Variants in SMYD5 observed in about 807,000 individuals in gnomAD.
The protein encoded by SMYD5 is SMYD family member 5, also known as protein-lysine N-trimethyltransferase SMYD5.
In SMYD5, 35 loss-of-function variants were observed where a neutral mutation model predicts 57.4. That is an observed-to-expected ratio of 0.61 (90% CI 0.47 to 0.81). The LOEUF is 0.81. SMYD5 is among the 30% of genes least tolerant of loss of function. SMYD5 has a pLI of 0.00. For missense variants in SMYD5, 471 were observed against 527.9 expected (o/e 0.89, Z 1.06); for synonymous variants, 198 against 189.7 (o/e 1.04, Z -0.36).
In SMYD5 at chr2:73,221,935, T is replaced by C. The variant is rs750957093; in HGVS notation, c.642+5T>C. 11 of 1,572,456 alleles carry C rather than the reference T, an allele frequency of 7.0e-6. No homozygotes were observed. The Admixed American group carries it at 1.2e-4, about 17-fold the overall frequency. ...CTTCTGGGAGACAAATTCAAGGTTA[T>C]TATTCTCCCGTGGCCTGTCTCCTTC... On this transcript the variant is annotated splice_donor_5th_base_variant and intron_variant, in intron 6 of 12. Coordinates refer to ENST00000389501, the MANE Select transcript of SMYD5 (RefSeq NM_006062.3).
At chr2:73,224,094 C>T in intron 10 of SMYD5, 91 bp downstream of exon 10, 1 of 1,198,324 alleles carries the variant, frequency 8.3e-7, no homozygotes, top group Non-Finnish European at 1.2e-6. Flanking sequence ...TCAGTTGGCC[C>T]TTTCTAGGCT....
chr2:73,218,976 A>G lies in SMYD5; in HGVS notation c.205+7A>G. On this transcript the variant is annotated splice_region_variant and intron_variant, in intron 2 of 12. Transcript: ENST00000389501. ...GCACTTTATCGCTACCGAGGTGAGT[A>G]CATCTCTCCTACTCCTCATGGCCCA... is the stretch of plus-strand genomic sequence containing the variant. The G allele has an allele frequency of 1.3e-6, 2 of 1,589,378 alleles. No homozygotes were observed. The highest frequency in any genetic ancestry group is 1.7e-6 in the Non-Finnish European group (2 of 1,157,226).
rs1686385048 is a variant in SMYD5, at chr2:73,221,168, T to C, written c.471T>C (p.Ser157=). The C allele has an allele frequency of 6.2e-7, 1 of 1,613,640 alleles. No individual in the cohort carries two copies. The highest frequency in any genetic ancestry group is 1.3e-5 in the African/African-American group (1 of 74,960). Residue 157 remains serine (S), a synonymous_variant, in exon 5 of 13, where the codon AGT becomes AGC. Coordinates refer to ENST00000389501, the MANE Select transcript of SMYD5 (RefSeq NM_006062.3). ...PLNKLQEAWR[S]IHYPPETASI... ...AATCTTTTTTCTCTTTCCCCAGGAG[T>C]ATTCACTACCCACCTGAGACTGCAA... is the stretch of plus-strand genomic sequence containing the variant.
At chr2:73,217,230 A>AT (rs1686308197) in intron 1 of SMYD5, among the ~76,000 whole-genome samples, 1 of 152,310 alleles carries the variant, frequency 6.6e-6, no homozygotes, top group South Asian at 2.1e-4. Flanking sequence ...GATTACAAGC[A>AT]TGAGCCACTG....
At chr2:73,214,873 T>G (rs1476854781) in intron 1 of SMYD5, 1 of 1,245,194 alleles carries the variant, frequency 8.0e-7, no homozygotes, top group African/African-American at 1.6e-5. Context: ...GTGACGTGAT[T>G]TTGTCGTTTT....
At chr2:73,219,398 G>A (rs6757079) in intron 2 of SMYD5, among the ~76,000 whole-genome samples, 14,386 of 152,040 alleles carry the variant, frequency 0.095, 884 homozygotes, top group African/African-American at 0.17. Context: ...TCTGGGGGAG[G>A]GGGACGGAGT....
chr2:73,214,509 T>G (rs1686255139), intron 1 of SMYD5, 147 bp downstream of exon 1: 1 of 1,489,544 alleles, frequency 6.7e-7, no homozygotes, highest in South Asian at 1.3e-5. Flanking sequence ...GGGCTCCCAG[T>G]CTGTCCCTGC....
chr2:73,214,439 G>T, intron 1 of SMYD5, 77 bp downstream of exon 1: 1 of 1,603,864 alleles, frequency 6.2e-7, no homozygotes. Flanking sequence ...CTCCATGCCC[G>T]GAGCCCAGAG....
chr2:73,214,616 C>G, intron 1 of SMYD5: 2 of 1,513,684 alleles, frequency 1.3e-6, no homozygotes, highest in South Asian at 2.4e-5. Flanking sequence ...GCGGGAGGCC[C>G]TTCTGTGGCT....
At chr2:73,223,565 C>A in intron 9 of SMYD5, 33 bp downstream of exon 9, 1 of 1,402,452 alleles carries the variant, frequency 7.1e-7, no homozygotes, top group Non-Finnish European at 1.0e-6. Context: ...CTCACCCAGC[C>A]ATGGCGACCC....
chr2:73,216,663 C>T (rs1686298244), intron 1 of SMYD5, among the ~76,000 whole-genome samples: 2 of 152,238 alleles, frequency 1.3e-5, no homozygotes, highest in East Asian at 3.9e-4. Context: ...CTACTGCACT[C>T]CAGCCTGGGC....
At chr2:73,220,608 G>T (rs2303905) in intron 3 of SMYD5, 53 bp from the exon 4 acceptor site, 1 of 1,597,974 alleles carries the variant, frequency 6.3e-7, no homozygotes, top group Non-Finnish European at 8.6e-7. Context: ...GCAGTTAGAG[G>T]AGGTGATTCT....
At chr2:73,222,682 C>G (rs554456591) in intron 6 of SMYD5, 73 bp from the exon 7 acceptor site, 1 of 1,322,224 alleles carries the variant, frequency 7.6e-7, no homozygotes. Context: ...CTCCCCTAGT[C>G]GCCTGGGCCC....
intron 1 of SMYD5, among the ~76,000 whole-genome samples, chr2:73,218,240 A>C (rs186992297): frequency 1.3e-5 from 2 of 152,384 alleles, no homozygotes; most frequent in African/African-American, 4.8e-5. Context: ...AAAGTGAAGC[A>C]GTTGGCTCAA....
intron 2 of SMYD5, chr2:73,219,827 G>A (rs1686351329): frequency 1.6e-6 from 1 of 640,282 alleles, no homozygotes; most frequent in African/African-American, 1.8e-5. Context: ...TAAGGGCCAG[G>A]AGGTCCTTGA....
At position 73,227,104 on chromosome 2, in the gene SMYD5, A is replaced by G. The variant is rs1227366210; in HGVS notation, c.*1158A>G. 6.5e-6 allele frequency: 1 copy of G among 152,712 alleles called. No individual in the cohort carries two copies. The highest frequency in any genetic ancestry group is 1.5e-5 in the Non-Finnish European group (1 of 68,080). The allele number at this position is 152,712 out of a possible 1,614,324, so 9.5% of individuals were successfully genotyped here. ...CACCCCACAGGCCCTTTCCTGGACC[A>G]TGGAGCCAGGTGAAACCTGTCTGGC... On this transcript the variant is annotated 3_prime_UTR_variant, in exon 13 of 13. Coordinates refer to ENST00000389501, the MANE Select transcript of SMYD5 (RefSeq NM_006062.3).
intron 4 of SMYD5, 124 bp from the exon 5 acceptor site, chr2:73,221,041 T>A: frequency 1.0e-6 from 1 of 961,932 alleles, no homozygotes; most frequent in Non-Finnish European, 1.6e-6. Context: ...AGTCCTTGTC[T>A]ATGACTTTCC....
rs982216269 is a variant in SMYD5 at position 73,226,106 on chromosome 2, C to G, written c.*160C>G. ...TAGGAGAGAGCCTGGATCTCTGGCCCCAACCCCCACCAGACCTCATGCCCT... is the reference window on the plus strand; with the variant it reads ...TAGGAGAGAGCCTGGATCTCTGGCCGCAACCCCCACCAGACCTCATGCCCT... On this transcript the variant is annotated 3_prime_UTR_variant, in exon 13 of 13. Coordinates refer to ENST00000389501, the MANE Select transcript of SMYD5 (RefSeq NM_006062.3). 7 of 976,154 alleles carry G rather than the reference C, an allele frequency of 7.2e-6. No individual in the cohort carries two copies. In the Admixed American group the frequency reaches 1.2e-4, roughly 16 times the overall value. The allele number at this position is 976,154 out of a possible 1,614,324, so 60.5% of individuals were successfully genotyped here. A position where few individuals can be genotyped will look rare whatever the true frequency, so the allele number is the denominator to read the frequency against.
chr2:73,226,091 C>A lies in SMYD5; in HGVS notation c.*145C>A. ...CTCTCTGCTAGAGGGTAGGAGAGAG[C>A]CTGGATCTCTGGCCCCAACCCCCAC... is the stretch of plus-strand genomic sequence containing the variant. On this transcript the variant is annotated 3_prime_UTR_variant, in exon 13 of 13. Transcript: ENST00000389501. 8.6e-7 allele frequency: 1 copy of A among 1,169,416 alleles called. No individual in the cohort carries two copies. The highest frequency in any genetic ancestry group is 1.2e-6 in the Non-Finnish European group (1 of 853,762). 72.4% of individuals were successfully genotyped at this position (1,169,416 alleles called of 1,614,324 possible).
Sources: allele counts gnomAD v4.1 joint callset (sites outside exome capture counted in the v4.1 genomes callset), GRCh38; gene constraint gnomAD v4.1.1; transcripts MANE v1.5; gene names NCBI Gene and HGNC (gene_info 2026-07-23, HGNC 2026-07-21).